DNAH11: variants seen among roughly 807,000 people sequenced by gnomAD.
DNAH11 encodes axonemal beta dynein heavy chain 11.
A neutral mutation model predicts 526.0 loss-of-function variants in DNAH11; 442 were observed. The observed-to-expected ratio is 0.84, with a 90% confidence interval of 0.78 to 0.91. The LOEUF (loss-of-function observed/expected upper bound fraction) is 0.91, where lower values mean the gene tolerates loss of function less well. Ranked by LOEUF, DNAH11 falls within the 40% of genes least tolerant of loss-of-function variation. The probability of loss-of-function intolerance (pLI) is 0.00; values close to 1 mark genes in which losing one functional copy is unlikely to be tolerated. For missense variants in DNAH11, 6,989 were observed against 5,448.7 expected, an observed-to-expected ratio of 1.28 and a Z score of -8.90; for synonymous variants, 2,461 against 1,935.9, an observed-to-expected ratio of 1.27 and a Z score of -7.12.
chr7:21,591,398 A>G lies in DNAH11; in HGVS notation c.2488A>G (p.Thr830Ala), dbSNP rs371665191. ...TSELEHRVER[T>A]QKNVKVIQQT... ...CGAGTTGGAGCACAGAGTTGAGCGCACACAGAAAAACGTGAAGGTGATCCA... is the reference window on the plus strand; with the variant it reads ...CGAGTTGGAGCACAGAGTTGAGCGCGCACAGAAAAACGTGAAGGTGATCCA... The change falls in exon 14 of 82, where the codon ACA becomes GCA. Residue 830 changes from threonine to alanine, a missense_variant. Coordinates refer to ENST00000409508, the MANE Select transcript of DNAH11 (RefSeq NM_001277115.2). The G allele has an allele frequency of 7.4e-6, 12 of 1,613,872 alleles. No individual in the cohort carries two copies. The highest frequency in any genetic ancestry group is 7.6e-6 in the Non-Finnish European group (9 of 1,179,888).
intron 55 of DNAH11, among the ~76,000 whole-genome samples, chr7:21,766,403 A>G (rs1380392220): frequency 6.6e-6 from 1 of 152,170 alleles, no homozygotes; most frequent in East Asian, 1.9e-4. Flanking sequence ...ATTGAGTGAT[A>G]AGGTGAAAGG....
At chr7:21,667,907 G>C (rs1271345799) in intron 30 of DNAH11, among the ~76,000 whole-genome samples, 1 of 152,054 alleles carries the variant, frequency 6.6e-6, no homozygotes, top group Non-Finnish European at 1.5e-5. Context: ...GGAAATAATT[G>C]AAATTGTAAT....
rs1258882794 is a variant in DNAH11 at position 21,601,565 on chromosome 7, C to T, written c.3595C>T (p.Leu1199Phe). 1.2e-6 allele frequency: 2 copies of T among 1,609,128 alleles called. No individual in the cohort carries two copies. The highest frequency in any genetic ancestry group is 3.3e-5 in the Admixed American group (2 of 59,810). ...TGAACCTCTAAAAGAAACGATCACC[C>T]TCTTGGAAAGCTATGGCCAGAAGAT... ...LFEPLKETIT[L>F]LESYGQKMPE... Residue 1199 changes from leucine to phenylalanine, a missense_variant, in exon 18 of 82, where the codon CTC becomes TTC. By Grantham distance (22) the Leu-to-Phe change is conservative. Coordinates refer to ENST00000409508, the MANE Select transcript of DNAH11 (RefSeq NM_001277115.2).
rs1190880961 is a variant in DNAH11 at position 21,901,564 on chromosome 7, A to G, written c.*310A>G. Reference sequence around the variant, plus strand: ...CTCCTGGGCAACAGAACAAGACTCCATCTCAAAAAAAAAAAAGTACATCAT... The same window carrying G: ...CTCCTGGGCAACAGAACAAGACTCCGTCTCAAAAAAAAAAAAGTACATCAT... On this transcript the variant is annotated 3_prime_UTR_variant, in exon 82 of 82. Transcript: ENST00000409508. The G allele has an allele frequency of 4.8e-6, 1 of 206,734 alleles. No homozygotes were observed. The highest frequency in any genetic ancestry group is 5.9e-5 in the Admixed American group (1 of 16,858). The allele number at this position is 206,734 out of a possible 1,614,324, so 12.8% of individuals were successfully genotyped here. A position where few individuals can be genotyped will look rare whatever the true frequency, so the allele number is the denominator to read the frequency against.
intron 55 of DNAH11, among the ~76,000 whole-genome samples, chr7:21,771,493 T>A (rs190714369): frequency 1.4e-4 from 21 of 152,278 alleles, no homozygotes; most frequent in Admixed American, 3.3e-4. Context: ...GTGTTGACAG[T>A]GAGCCAACTG....
intron 68 of DNAH11, among the ~76,000 whole-genome samples, chr7:21,856,920 C>G (rs1395143344): frequency 1.3e-5 from 2 of 152,090 alleles, no homozygotes; most frequent in African/African-American, 2.4e-5. Flanking sequence ...AAATCAGGAA[C>G]AAGACAAGGA....
intron 4 of DNAH11, 100 bp from the exon 5 acceptor site, chr7:21,560,971 T>G (rs1783434079): frequency 2.4e-6 from 2 of 833,298 alleles, no homozygotes; most frequent in Non-Finnish European, 3.8e-6. Flanking sequence ...ACTGTATCAC[T>G]TGTGAGTGAA....
intron 65 of DNAH11, among the ~76,000 whole-genome samples, chr7:21,832,886 A>G (rs967980413): frequency 5.3e-5 from 8 of 152,192 alleles, no homozygotes; most frequent in African/African-American, 1.9e-4. Context: ...AAATTTGTCA[A>G]CCCCTGCTCT....
At chr7:21,872,278 C>A (rs1213443480) in intron 73 of DNAH11, among the ~76,000 whole-genome samples, 1 of 151,742 alleles carries the variant, frequency 6.6e-6, no homozygotes, top group East Asian at 1.9e-4. Flanking sequence ...TTCTGCCCAC[C>A]ACATCTACCA....
At chr7:21,785,047 GAGAAAGTA>G (rs1788114000) in intron 58 of DNAH11, among the ~76,000 whole-genome samples, 1 of 152,146 alleles carries the variant, frequency 6.6e-6, no homozygotes, top group Admixed American at 6.5e-5. Context: ...ATTCTTATAA[GAGAAAGTA>G]AGCTGTGTTC....
chr7:21,741,300 G>C (rs1321330332), intron 48 of DNAH11, among the ~76,000 whole-genome samples: 1 of 152,130 alleles, frequency 6.6e-6, no homozygotes, highest in East Asian at 1.9e-4. Context: ...TTTTATTGCT[G>C]AATAGTGGTC....
At chr7:21,546,456 A>G (rs1300524698) in intron 2 of DNAH11, among the ~76,000 whole-genome samples, 1 of 152,208 alleles carries the variant, frequency 6.6e-6, no homozygotes, top group Non-Finnish European at 1.5e-5. Context: ...AATCTAGACC[A>G]CTATCAACTG....
chr7:21,560,400 T>G (rs980346699), intron 4 of DNAH11, among the ~76,000 whole-genome samples: 1 of 152,164 alleles, frequency 6.6e-6, no homozygotes. Flanking sequence ...CAATAGGCTG[T>G]CTGTAGTTGA....
intron 2 of DNAH11, among the ~76,000 whole-genome samples, chr7:21,548,198 A>G (rs1324554228): frequency 9.8e-5 from 14 of 143,192 alleles, no homozygotes; most frequent in African/African-American, 3.7e-4. Context: ...ATTCTTGGGA[A>G]TGACAACACT....
chr7:21,646,506 C>T (rs1477371298), intron 28 of DNAH11, among the ~76,000 whole-genome samples: 1 of 152,060 alleles, frequency 6.6e-6, no homozygotes, highest in African/African-American at 2.4e-5. Flanking sequence ...CTATACTTTG[C>T]AGAACTGAGT....
At chr7:21,675,966 G>A (rs1782865436) in intron 30 of DNAH11, among the ~76,000 whole-genome samples, 1 of 151,978 alleles carries the variant, frequency 6.6e-6, no homozygotes, top group Non-Finnish European at 1.5e-5. Context: ...ATGAGAGGAA[G>A]CCAGTCATAC....
At chr7:21,648,878 AT>A (rs938178000) in intron 28 of DNAH11, among the ~76,000 whole-genome samples, 3 of 152,064 alleles carry the variant, frequency 2.0e-5, no homozygotes, top group Admixed American at 2.0e-4. Context: ...TATTTCTTTA[AT>A]TTTTTTCCCT....
intron 65 of DNAH11, among the ~76,000 whole-genome samples, chr7:21,820,164 A>C (rs1047081045): frequency 2.0e-5 from 3 of 152,130 alleles, no homozygotes; most frequent in Admixed American, 6.6e-5. Context: ...GTCCTTATAT[A>C]TCCTGTCAGT....
chr7:21,631,547 T>C (rs1786609891), intron 25 of DNAH11, among the ~76,000 whole-genome samples: 1 of 152,146 alleles, frequency 6.6e-6, no homozygotes, highest in Non-Finnish European at 1.5e-5. Context: ...CCATTCCAAA[T>C]GGGAGAAAGC....
Sources: allele counts gnomAD v4.1 joint callset (sites outside exome capture counted in the v4.1 genomes callset), GRCh38; gene constraint gnomAD v4.1.1; transcripts MANE v1.5; gene names NCBI Gene and HGNC (gene_info 2026-07-23, HGNC 2026-07-21).